The following CNTNAP5 variants were observed in gnomAD, a reference collection of about 807,000 sequenced individuals.
CNTNAP5 encodes contactin-associated protein-like 5.
CNTNAP5 carries 72 observed loss-of-function variants against 150.2 expected under a neutral mutation model. The observed-to-expected ratio is 0.48, with a 90% CI of 0.40 to 0.58. The LOEUF (loss-of-function observed/expected upper bound fraction) is 0.58, where lower values mean the gene tolerates loss of function less well. Among genes scored for constraint, CNTNAP5 ranks in the 20% least tolerant of loss-of-function variants. The pLI, the probability that CNTNAP5 is intolerant of heterozygous loss-of-function variation, is 0.00. For synonymous variants in CNTNAP5, 672 were observed against 619.8 expected (o/e 1.08, Z -1.25); for missense variants, 1,636 against 1,626.2 (o/e 1.01, Z -0.10).
At chr2:124,295,260 A>G (rs971964865) in intron 3 of CNTNAP5, among the ~76,000 whole-genome samples, 2 of 94,080 alleles carry the variant, frequency 2.1e-5, no homozygotes, top group African/African-American at 4.2e-5. Flanking sequence ...GATCGCTACT[A>G]ACTCTAGTTT....
intron 1 of CNTNAP5, among the ~76,000 whole-genome samples, chr2:124,208,951 G>T (rs1685934970): frequency 6.6e-6 from 1 of 152,008 alleles, no homozygotes; most frequent in Admixed American, 6.6e-5. Context: ...ACCCTCATTT[G>T]TCATGACCTC....
At chr2:124,353,803 G>C (rs1322638225) in intron 3 of CNTNAP5, among the ~76,000 whole-genome samples, 1 of 152,154 alleles carries the variant, frequency 6.6e-6, no homozygotes, top group Non-Finnish European at 1.5e-5. Flanking sequence ...TGCATAACAA[G>C]GTTTCTGGGT....
chr2:124,511,328 C>T (rs534698955), intron 8 of CNTNAP5, among the ~76,000 whole-genome samples: 4 of 152,190 alleles, frequency 2.6e-5, no homozygotes, highest in Admixed American at 6.5e-5. Context: ...TTTATTTTTC[C>T]GATGGGAAAA....
chr2:124,103,036 A>T (rs1336020722), intron 1 of CNTNAP5, among the ~76,000 whole-genome samples: 2 of 152,320 alleles, frequency 1.3e-5, no homozygotes, highest in East Asian at 3.9e-4. Context: ...CTGCAAGATT[A>T]TAACAGAGCT....
At chr2:124,594,188 G>A (rs1696767620) in intron 11 of CNTNAP5, among the ~76,000 whole-genome samples, 1 of 130,562 alleles carries the variant, frequency 7.7e-6, no homozygotes, top group African/African-American at 2.9e-5. Context: ...TGCTTTTGGT[G>A]TTTTGGACAT....
chr2:124,106,580 G>A (rs1482422740), intron 1 of CNTNAP5, among the ~76,000 whole-genome samples: 1 of 152,174 alleles, frequency 6.6e-6, no homozygotes, highest in African/African-American at 2.4e-5. Flanking sequence ...ATCCCAAAAA[G>A]CCATGAAGAC....
At chr2:124,764,255 C>CT in intron 16 of CNTNAP5, 108 bp downstream of exon 16, 1 of 797,564 alleles carries the variant, frequency 1.3e-6, no homozygotes, top group Non-Finnish European at 2.1e-6. Flanking sequence ...ATTAATCTCA[C>CT]TGGACATCTG....
At chr2:124,817,712 C>A (rs1174904267) in intron 19 of CNTNAP5, among the ~76,000 whole-genome samples, 1 of 152,100 alleles carries the variant, frequency 6.6e-6, no homozygotes, top group Non-Finnish European at 1.5e-5. Context: ...AGGAAGTTAC[C>A]TAACCCCCAA....
chr2:124,552,675 G>A (rs1360017727), intron 10 of CNTNAP5, among the ~76,000 whole-genome samples: 2 of 152,112 alleles, frequency 1.3e-5, no homozygotes, highest in Non-Finnish European at 2.9e-5. Context: ...ATATATGTGT[G>A]TGTATTTATG....
At chr2:124,317,699 T>A (rs907981315) in intron 3 of CNTNAP5, among the ~76,000 whole-genome samples, 1 of 152,220 alleles carries the variant, frequency 6.6e-6, no homozygotes, top group Non-Finnish European at 1.5e-5. Flanking sequence ...TAAGAGCCAG[T>A]TGAGATATCC....
chr2:124,627,110 A>T (rs187025688), intron 12 of CNTNAP5, among the ~76,000 whole-genome samples: 300 of 152,252 alleles, frequency 2.0e-3, no homozygotes, highest in Non-Finnish European at 3.5e-3. Flanking sequence ...ATCTGCGGGG[A>T]GGGGAAGCCG....
chr2:124,158,848 T>G (rs565791874), intron 1 of CNTNAP5, among the ~76,000 whole-genome samples: 65 of 152,282 alleles, frequency 4.3e-4, no homozygotes, highest in African/African-American at 1.4e-3. Flanking sequence ...CAAGAGCGCC[T>G]GGCAGGTATG....
chr2:124,452,955 A>G (rs566808398), intron 6 of CNTNAP5, among the ~76,000 whole-genome samples: 4 of 152,292 alleles, frequency 2.6e-5, no homozygotes, highest in South Asian at 2.1e-4. Flanking sequence ...TGATTATATG[A>G]CAAAACAATG....
intron 21 of CNTNAP5, among the ~76,000 whole-genome samples, chr2:124,891,397 C>T (rs1291004391): frequency 6.6e-6 from 1 of 152,112 alleles, no homozygotes; most frequent in African/African-American, 2.4e-5. Context: ...GTGGAGAAAG[C>T]AGTCACAAAT....
intron 1 of CNTNAP5, among the ~76,000 whole-genome samples, chr2:124,201,803 TG>T (rs1233108869): frequency 1.3e-5 from 2 of 152,238 alleles, no homozygotes. Flanking sequence ...TATATAAATT[TG>T]TTCTCAAAAG....
intron 1 of CNTNAP5, among the ~76,000 whole-genome samples, chr2:124,121,336 G>A (rs958551328): frequency 6.6e-6 from 1 of 152,098 alleles, no homozygotes; most frequent in Admixed American, 6.6e-5. Context: ...AAAACACAAG[G>A]CTTCCTCTCC....
chr2:124,092,570 G>T (rs1682840225), intron 1 of CNTNAP5, among the ~76,000 whole-genome samples: 1 of 152,208 alleles, frequency 6.6e-6, no homozygotes, highest in Admixed American at 6.5e-5. Flanking sequence ...GTGTCACCAA[G>T]TCTAGAGAGT....
intron 19 of CNTNAP5, among the ~76,000 whole-genome samples, chr2:124,855,910 A>T (rs1462549367): frequency 6.6e-6 from 1 of 151,992 alleles, no homozygotes; most frequent in African/African-American, 2.4e-5. Context: ...TATCATTCTT[A>T]TGCCTTTGCA....
At chr2:124,889,932 G>A (rs965504670) in intron 21 of CNTNAP5, among the ~76,000 whole-genome samples, 3 of 152,004 alleles carry the variant, frequency 2.0e-5, no homozygotes, top group Non-Finnish European at 2.9e-5. Context: ...AAGAATTACT[G>A]AGTTTTAGTC....
Sources: gnomAD v4.1 joint callset for allele counts (sites outside exome capture counted in the v4.1 genomes callset) on GRCh38, gnomAD v4.1.1 for gene constraint, MANE v1.5 for transcripts, NCBI Gene and HGNC (gene_info 2026-07-23, HGNC 2026-07-21) for gene names.